The following PCDHGA11 variants were observed in gnomAD, a reference collection of about 807,000 sequenced individuals.
The protein encoded by PCDHGA11 is protocadherin gamma-A11.
PCDHGA11 carries 39 observed loss-of-function variants against 60.4 expected under a neutral mutation model. The ratio of observed to expected loss-of-function variants is 0.65; its 90% CI spans 0.50 to 0.84. The LOEUF is 0.84. PCDHGA11 is among the 40% of genes least tolerant of loss of function. PCDHGA11 has a pLI of 0.00. For synonymous variants in PCDHGA11, 533 were observed against 510.3 expected (o/e 1.04, Z -0.60); for missense variants, 1,165 against 1,197.7 (o/e 0.97, Z 0.40).
intron 1 of PCDHGA11, among the ~76,000 whole-genome samples, chr5:141,471,046 CTTTT>C (rs1170588345): frequency 5.3e-5 from 6 of 113,264 alleles, no homozygotes; most frequent in Admixed American, 9.3e-5. Context: ...CCCAAGCCCT[CTTTT>C]TTTTTTTTTT....
intron 1 of PCDHGA11, chr5:141,476,000 T>A (rs2099383773): frequency 1.6e-6 from 2 of 1,225,380 alleles, no homozygotes; most frequent in African/African-American, 1.5e-5. Flanking sequence ...ATCAACGGCA[T>A]CCAGAAAGCC....
At chr5:141,456,364 G>A (rs778916049) in intron 1 of PCDHGA11, among the ~76,000 whole-genome samples, 2 of 152,258 alleles carry the variant, frequency 1.3e-5, no homozygotes, top group Admixed American at 6.5e-5. Flanking sequence ...TCCATGTGTG[G>A]TTCAGTTTAC....
chr5:141,457,301 CCAAA>C (rs1163780799), intron 1 of PCDHGA11, among the ~76,000 whole-genome samples: 1 of 152,090 alleles, frequency 6.6e-6, no homozygotes, highest in Non-Finnish European at 1.5e-5. Context: ...TTTTATTTTC[CCAAA>C]CAAAGAAACC....
chr5:141,496,215 T>C (rs2099767024), intron 2 of PCDHGA11, among the ~76,000 whole-genome samples: 3 of 152,114 alleles, frequency 2.0e-5, no homozygotes, highest in Non-Finnish European at 4.4e-5. Context: ...TATGAATTCC[T>C]GCTGAGACAG....
At chr5:141,447,244 A>G (rs1475037979) in intron 1 of PCDHGA11, among the ~76,000 whole-genome samples, 1 of 152,062 alleles carries the variant, frequency 6.6e-6, no homozygotes, top group South Asian at 2.1e-4. Flanking sequence ...GGTTCAAGTG[A>G]TTCTTCTGTC....
rs143638501 is a variant in PCDHGA11, at chr5:141,486,817, T to C, written c.2434-7990T>C. On this transcript the variant is annotated intron_variant, in intron 1 of 3. Coordinates refer to ENST00000398587, the MANE Select transcript of PCDHGA11 (RefSeq NM_018914.3). This position sits in a 1 kb window ranked among gnomAD's most constrained non-coding sequence, Gnocchi z 5.0. ...GGGGCAACCCACCCCTTAGCAGCACTGTAACAGTTCGTCTATTTGTGCTGG... is the reference window on the plus strand; with the variant it reads ...GGGGCAACCCACCCCTTAGCAGCACCGTAACAGTTCGTCTATTTGTGCTGG... 153 of 1,614,220 alleles carry C rather than the reference T, an allele frequency of 9.5e-5. 1 individual carries two copies. In the African/African-American group the frequency reaches 1.4e-3, roughly 15 times the overall value.
rs151293422 is a variant in PCDHGA11, at chr5:141,487,556, A to G, written c.2434-7251A>G. ...GATGGTGAAGTCACCCAGTGCACCT[A>G]TGGCAGGGGAGCCTGTTCGCCCAAG... On this transcript the variant is annotated intron_variant, in intron 1 of 3. Coordinates refer to ENST00000398587, the MANE Select transcript of PCDHGA11 (RefSeq NM_018914.3). This position sits in a 1 kb window ranked among gnomAD's most constrained non-coding sequence, Gnocchi z 5.0. 2,837 of 1,614,100 alleles carry G rather than the reference A, an allele frequency of 1.8e-3. 31 individuals are homozygous for G. The highest frequency in any genetic ancestry group is 1.2e-3 in the South Asian group (105 of 91,084).
At chr5:141,450,675 C>T (rs377412699) in intron 1 of PCDHGA11, among the ~76,000 whole-genome samples, 3 of 151,614 alleles carry the variant, frequency 2.0e-5, no homozygotes, top group South Asian at 4.2e-4. Flanking sequence ...TTAGTAGAAA[C>T]GGGGTTTTGC....
rs758579068 is a variant in PCDHGA11, at chr5:141,485,232, T to C, written c.2434-9575T>C. 6.2e-7 allele frequency: 1 copy of C among 1,614,136 alleles called. No individual in the cohort carries two copies. The highest frequency in any genetic ancestry group is 8.5e-7 in the Non-Finnish European group (1 of 1,180,016). Reference sequence around the variant, plus strand: ...TGGCGGTGGGCTACCCTTTTGTTCCTCTTTTACCACCTGGGTTACGTTTGT... The same window carrying C: ...TGGCGGTGGGCTACCCTTTTGTTCCCCTTTTACCACCTGGGTTACGTTTGT... On this transcript the variant is annotated intron_variant, in intron 1 of 3. Coordinates refer to ENST00000398587, the MANE Select transcript of PCDHGA11 (RefSeq NM_018914.3). This position sits in a 1 kb window ranked among gnomAD's most constrained non-coding sequence, Gnocchi z 5.7.
chr5:141,476,726 C>T lies in PCDHGA11; in HGVS notation c.2434-18081C>T. On this transcript the variant is annotated intron_variant, in intron 1 of 3. Coordinates refer to ENST00000398587, the MANE Select transcript of PCDHGA11 (RefSeq NM_018914.3). This position sits in a 1 kb window ranked among gnomAD's most constrained non-coding sequence, Gnocchi z 7.6. ...GCTGGTGTTGGAGCGCGCCCTGGAC[C>T]GAGAACGGGAGCCTAGTCTCCAGTT... The T allele has an allele frequency of 6.2e-7, 1 of 1,614,116 alleles. No homozygotes were observed. The highest frequency in any genetic ancestry group is 8.5e-7 in the Non-Finnish European group (1 of 1,180,028).
At chr5:141,471,252 T>C (rs1003162914) in intron 1 of PCDHGA11, 1 of 151,872 alleles carries the variant, frequency 6.6e-6, no homozygotes, top group Non-Finnish European at 1.5e-5. Flanking sequence ...GGTTTCACCA[T>C]GTTGGCAAGG....
In PCDHGA11 at chr5:141,502,866, C is replaced by CTTTTTTTTTTTTTTTTT. The variant is rs549047197; in HGVS notation, c.2493-2513_2493-2512insTTTTTTTTTTTTTTTTT. Among the ~76,000 whole-genome samples the CTTTTTTTTTTTTTTTTT allele has an allele frequency of 3.1e-5, 4 of 128,046 alleles. 1 individual carries two copies. 84.0% of individuals were successfully genotyped at this position (128,046 alleles called of 152,430 possible). A position where few individuals can be genotyped will look rare whatever the true frequency, so the allele number is the denominator to read the frequency against. ...GAGCTGCCTAACCCTGACTCTCTGTCTTTTTTTTTTTTTTGACAGGGAGTC... is the reference window on the plus strand; with the variant it reads ...GAGCTGCCTAACCCTGACTCTCTGTCTTTTTTTTTTTTTTTTTTTTTTTTTTTTTTTGACAGGGAGTC... On this transcript the variant is annotated intron_variant, in intron 2 of 3. Transcript: ENST00000398587.
chr5:141,441,102 C>A (rs1057297804), intron 1 of PCDHGA11: 2 of 152,148 alleles, frequency 1.3e-5, no homozygotes, highest in Non-Finnish European at 2.9e-5. Flanking sequence ...GAGAGGGACT[C>A]ATTGTCCAGT....
intron 1 of PCDHGA11, among the ~76,000 whole-genome samples, chr5:141,459,757 G>T (rs1360124889): frequency 6.6e-6 from 1 of 152,162 alleles, no homozygotes; most frequent in Admixed American, 6.6e-5. Flanking sequence ...ATTCTAGTGG[G>T]TGTGTGATAC....
rs1178101439 is a variant in PCDHGA11, at chr5:141,443,790, T to C, written c.2433+20130T>C. On this transcript the variant is annotated intron_variant, in intron 1 of 3. Coordinates refer to ENST00000398587, the MANE Select transcript of PCDHGA11 (RefSeq NM_018914.3). Reference sequence around the variant, plus strand: ...AATATTACCAAAAAGACAAAAAAAATGAAAAGGAAACAGTTACCTTTGGAA... The same window carrying C: ...AATATTACCAAAAAGACAAAAAAAACGAAAAGGAAACAGTTACCTTTGGAA... Among the ~76,000 whole-genome samples, 6 of 151,950 alleles carry C rather than the reference T, an allele frequency of 3.9e-5. No homozygotes were observed. The East Asian group carries it at 1.2e-3, about 29-fold the overall frequency.
At chr5:141,479,003 C>A (rs2099485569) in intron 1 of PCDHGA11, among the ~76,000 whole-genome samples, 1 of 152,176 alleles carries the variant, frequency 6.6e-6, no homozygotes, top group African/African-American at 2.4e-5. Flanking sequence ...AAACTAATAG[C>A]TTTTTGATAA....
intron 1 of PCDHGA11, among the ~76,000 whole-genome samples, chr5:141,454,907 A>T (rs1304287479): frequency 1.4e-5 from 2 of 139,080 alleles, no homozygotes; most frequent in East Asian, 4.3e-4. Context: ...TCCCGGGTTC[A>T]CGCCATTCTC....
intron 1 of PCDHGA11, among the ~76,000 whole-genome samples, chr5:141,469,951 T>C (rs1467717372): frequency 6.6e-6 from 1 of 152,034 alleles, no homozygotes; most frequent in African/African-American, 2.4e-5. Flanking sequence ...GCCAGCATGG[T>C]GAAACCCCAT....
intron 1 of PCDHGA11, among the ~76,000 whole-genome samples, chr5:141,483,024 G>A (rs1210804345): frequency 6.6e-6 from 1 of 152,094 alleles, no homozygotes; most frequent in Non-Finnish European, 1.5e-5. Context: ...GGCAGAGGTT[G>A]CAATGAGCTG....
Sources: allele counts gnomAD v4.1 joint callset (sites outside exome capture counted in the v4.1 genomes callset), GRCh38; gene constraint gnomAD v4.1.1; non-coding constraint Gnocchi (gnomAD v3.1); transcripts MANE v1.5; gene names NCBI Gene and HGNC (gene_info 2026-07-23, HGNC 2026-07-21).